The following BNC2 variants were observed in gnomAD, a reference collection of about 807,000 sequenced individuals.
BNC2 encodes the protein zinc finger protein basonuclin-2.
Under a neutral mutation model 76.3 loss-of-function variants are expected in BNC2, and 20 were observed. The ratio of observed to expected loss-of-function variants is 0.26; its 90% confidence interval spans 0.18 to 0.38. BNC2 has a LOEUF of 0.38. BNC2 is among the 10% of genes least tolerant of loss of function. The pLI, the probability that BNC2 is intolerant of heterozygous loss-of-function variation, is 1.00. For missense variants in BNC2, 1,382 were observed against 1,399.8 expected, an observed-to-expected ratio of 0.99 and a Z score of 0.20; for synonymous variants, 582 against 514.8, an observed-to-expected ratio of 1.13 and a Z score of -1.77.
At chr9:16,782,766 T>C (rs1457533857) in intron 1 of BNC2, among the ~76,000 whole-genome samples, 2 of 152,180 alleles carry the variant, frequency 1.3e-5, no homozygotes, top group Non-Finnish European at 2.9e-5. Flanking sequence ...GACTCTAAGA[T>C]ACTCTGAAGG....
At chr9:16,488,844 C>A (rs544771438) in intron 5 of BNC2, among the ~76,000 whole-genome samples, 4 of 151,588 alleles carry the variant, frequency 2.6e-5, no homozygotes, top group East Asian at 1.9e-4. Context: ...CAAAAAAAAA[C>A]CCAAAAAACT....
At chr9:16,724,414 T>G (rs1291307698) in intron 3 of BNC2, among the ~76,000 whole-genome samples, 1 of 152,014 alleles carries the variant, frequency 6.6e-6, no homozygotes, top group African/African-American at 2.4e-5. Flanking sequence ...CAAAATAAGG[T>G]TCTTTCTCCA....
rs541987619 is a variant in BNC2, at chr9:16,659,372, G to A, written c.330+68425C>T. Among the ~76,000 whole-genome samples, 60 of 152,132 alleles carry A rather than the reference G, an allele frequency of 3.9e-4. 1 individual carries two copies. The highest frequency in any genetic ancestry group is 3.1e-3 in the East Asian group (16 of 5,162). ...CACGCGTAATCACAGCACTTTGGGGGGCCGAGGTGGGCAGATCAGGAGGTC... is the reference window on the plus strand; with the variant it reads ...CACGCGTAATCACAGCACTTTGGGGAGCCGAGGTGGGCAGATCAGGAGGTC... On this transcript the variant is annotated intron_variant, in intron 3 of 6. Coordinates refer to ENST00000380672, the MANE Select transcript of BNC2 (RefSeq NM_017637.6).
At chr9:16,548,773 A>G (rs1032645781) in intron 5 of BNC2, among the ~76,000 whole-genome samples, 2 of 152,222 alleles carry the variant, frequency 1.3e-5, no homozygotes, top group African/African-American at 4.8e-5. Context: ...ATCTAATTGC[A>G]TATTCCCATT....
chr9:16,599,595 C>T (rs1820188719), intron 3 of BNC2, among the ~76,000 whole-genome samples: 1 of 152,124 alleles, frequency 6.6e-6, no homozygotes, highest in Admixed American at 6.5e-5. Context: ...ACCAGCCTGG[C>T]CAACACGGTG....
chr9:16,812,834 C>T (rs1313758676), intron 1 of BNC2, among the ~76,000 whole-genome samples: 1 of 152,102 alleles, frequency 6.6e-6, no homozygotes, highest in Non-Finnish European at 1.5e-5. Context: ...AGGACAAAAA[C>T]AATACTAACA....
chr9:16,517,080 G>A (rs145201529), intron 5 of BNC2, among the ~76,000 whole-genome samples: 1 of 152,312 alleles, frequency 6.6e-6, no homozygotes, highest in East Asian at 1.9e-4. Flanking sequence ...AACTGACTGA[G>A]GTTTTGAGGA....
chr9:16,828,511 A>G (rs1422055680), intron 1 of BNC2, among the ~76,000 whole-genome samples: 1 of 152,204 alleles, frequency 6.6e-6, no homozygotes, highest in Non-Finnish European at 1.5e-5. Flanking sequence ...AACTCTCAGG[A>G]GCAAACATTT....
At chr9:16,757,271 A>G (rs138036430) in intron 1 of BNC2, among the ~76,000 whole-genome samples, 1 of 152,220 alleles carries the variant, frequency 6.6e-6, no homozygotes, top group African/African-American at 2.4e-5. Flanking sequence ...ACGTATTTAC[A>G]GTGATCTTAA....
At chr9:16,472,737 G>A (rs1821852025) in intron 5 of BNC2, among the ~76,000 whole-genome samples, 1 of 152,194 alleles carries the variant, frequency 6.6e-6, no homozygotes, top group South Asian at 2.1e-4. Flanking sequence ...TCAGCCATTG[G>A]AGGCTCAATG....
chr9:16,801,594 A>G (rs184181936), intron 1 of BNC2, among the ~76,000 whole-genome samples: 3 of 152,198 alleles, frequency 2.0e-5, no homozygotes, highest in Admixed American at 2.0e-4. Flanking sequence ...CTAAACCTCA[A>G]GTACTTAACC....
intron 3 of BNC2, among the ~76,000 whole-genome samples, chr9:16,658,584 C>G (rs183418334): frequency 4.1e-4 from 62 of 152,234 alleles, no homozygotes; most frequent in Admixed American, 1.6e-3. Context: ...GGGAACAGTT[C>G]CAATGTCAAA....
chr9:16,867,268 C>G (rs1418906633), intron 1 of BNC2: 1 of 152,000 alleles, frequency 6.6e-6, no homozygotes, highest in Non-Finnish European at 1.5e-5. Flanking sequence ...TTATATAAAA[C>G]AAAGATGCTA....
chr9:16,491,641 A>G (rs1310326490), intron 5 of BNC2, among the ~76,000 whole-genome samples: 3 of 152,224 alleles, frequency 2.0e-5, no homozygotes, highest in Non-Finnish European at 2.9e-5. Context: ...ATGAAAGAGG[A>G]TGGAAATTTA....
In BNC2 at chr9:16,851,503, C is replaced by A. The variant is rs564357358; in HGVS notation, c.3+19143G>T. ...CCTGGGTGACAGGGTGAGACCCTGTCTCAAAAAAATAAAAATAAAATGAAA... is the reference window on the plus strand; with the variant it reads ...CCTGGGTGACAGGGTGAGACCCTGTATCAAAAAAATAAAAATAAAATGAAA... On this transcript the variant is annotated intron_variant, in intron 1 of 6. Coordinates refer to ENST00000380672, the MANE Select transcript of BNC2 (RefSeq NM_017637.6). Among the ~76,000 whole-genome samples the A allele has an allele frequency of 1.1e-4, 16 of 152,128 alleles. No individual in the cohort carries two copies. In the South Asian group the frequency reaches 3.3e-3, roughly 32 times the overall value.
chr9:16,659,393 A>C (rs565571273), intron 3 of BNC2, among the ~76,000 whole-genome samples: 10 of 152,106 alleles, frequency 6.6e-5, no homozygotes, highest in African/African-American at 2.4e-4. Flanking sequence ...GCAGATCAGG[A>C]GGTCAGGAGA....
chr9:16,865,071 C>T (rs1819510804), intron 1 of BNC2, among the ~76,000 whole-genome samples: 1 of 147,636 alleles, frequency 6.8e-6, no homozygotes, highest in Admixed American at 6.8e-5. Context: ...AAAGGAATTT[C>T]AGCATGGGGC....
At chr9:16,531,964 T>C (rs1194536565) in intron 5 of BNC2, among the ~76,000 whole-genome samples, 1 of 152,200 alleles carries the variant, frequency 6.6e-6, no homozygotes, top group African/African-American at 2.4e-5. Flanking sequence ...ATTTGTTGCA[T>C]GAGATTCTTT....
At chr9:16,858,655 C>A (rs533580098) in intron 1 of BNC2, among the ~76,000 whole-genome samples, 1 of 152,156 alleles carries the variant, frequency 6.6e-6, no homozygotes, top group South Asian at 2.1e-4. Flanking sequence ...ACCATCCTGG[C>A]TAACATGGTA....
Sources: gnomAD v4.1 joint callset for allele counts (sites outside exome capture counted in the v4.1 genomes callset) on GRCh38, gnomAD v4.1.1 for gene constraint, MANE v1.5 for transcripts, NCBI Gene and HGNC (gene_info 2026-07-23, HGNC 2026-07-21) for gene names.